The following POU6F2 variants were observed in gnomAD, a reference collection of about 807,000 sequenced individuals.
POU6F2 encodes POU class 6 homeobox 2.
In POU6F2, 31 loss-of-function variants were observed where a neutral mutation model predicts 71.3. The ratio of observed to expected loss-of-function variants is 0.43; its 90% CI spans 0.33 to 0.59. The LOEUF is 0.59. POU6F2 is among the 20% of genes least tolerant of loss of function. The pLI is 0.04. For missense variants in POU6F2, 783 were observed against 856.8 expected (o/e 0.91, Z 1.07); for synonymous variants, 347 against 355.7 (o/e 0.98, Z 0.27).
At chr7:39,331,958 T>C (rs17171573) in intron 4 of POU6F2, among the ~76,000 whole-genome samples, 12,873 of 152,274 alleles carry the variant, frequency 0.085, 800 homozygotes, top group South Asian at 0.18. Flanking sequence ...AAATTTCTTA[T>C]TGCCCTTCCT....
At chr7:39,033,686 G>A (rs1193395906) in intron 1 of POU6F2, among the ~76,000 whole-genome samples, 1 of 152,186 alleles carries the variant, frequency 6.6e-6, no homozygotes, top group Non-Finnish European at 1.5e-5. Context: ...TCAGGGGACT[G>A]CCCGGGAAGT....
Position 39,372,267 on chromosome 7 carries a change from A to T in POU6F2, c.972+32252A>T, listed in dbSNP as rs568750668. 3.9e-5 allele frequency among the ~76,000 whole-genome samples: 6 copies of T among 152,322 alleles called. No individual in the cohort carries two copies. In the South Asian group the frequency reaches 6.2e-4, roughly 16 times the overall value. On this transcript the variant is annotated intron_variant, in intron 5 of 9. Transcript: ENST00000518318. ...ATATAAAGAGAGAAAACAAATTTCC[A>T]CAAAATTTTTATTGATGAAACTCAT...
intron 4 of POU6F2, among the ~76,000 whole-genome samples, chr7:39,259,165 C>T (rs1402557637): frequency 7.0e-6 from 1 of 143,672 alleles, no homozygotes; most frequent in Non-Finnish European, 1.5e-5. Context: ...ATATTAAGAG[C>T]CCAGTTCTGC....
At chr7:39,133,851 A>G (rs905597384) in intron 2 of POU6F2, among the ~76,000 whole-genome samples, 4 of 152,138 alleles carry the variant, frequency 2.6e-5, no homozygotes, top group African/African-American at 4.8e-5. Flanking sequence ...AACTCAATAA[A>G]TACCTTAGAA....
At chr7:39,289,036 CTAACTA>C (rs1443759228) in intron 4 of POU6F2, among the ~76,000 whole-genome samples, 1 of 152,238 alleles carries the variant, frequency 6.6e-6, no homozygotes, top group Non-Finnish European at 1.5e-5. Context: ...CTGGAGCTAC[CTAACTA>C]TAATTCCTTC....
At chr7:39,409,277 A>T (rs1274517117) in intron 6 of POU6F2, among the ~76,000 whole-genome samples, 4 of 152,212 alleles carry the variant, frequency 2.6e-5, no homozygotes, top group Non-Finnish European at 5.9e-5. Flanking sequence ...ATCACGTTAA[A>T]ACCTAAACCT....
At chr7:39,403,646 G>T (rs1295215926) in intron 5 of POU6F2, among the ~76,000 whole-genome samples, 1 of 152,166 alleles carries the variant, frequency 6.6e-6, no homozygotes, top group African/African-American at 2.4e-5. Context: ...AAGAAATATC[G>T]ATAGGAGCAG....
At position 39,451,714 on chromosome 7, in the gene POU6F2, T is replaced by C; in HGVS notation, c.1489+13T>C. The C allele has an allele frequency of 1.3e-6, 2 of 1,566,026 alleles. No individual in the cohort carries two copies. The highest frequency in any genetic ancestry group is 1.7e-6 in the Non-Finnish European group (2 of 1,154,212). Reference sequence around the variant, plus strand: ...CAGTTAGTCAGCAGTAAGTATCCTTTCTGGCTCGGTTTAAATCGTGGTGGC... The same window carrying C: ...CAGTTAGTCAGCAGTAAGTATCCTTCCTGGCTCGGTTTAAATCGTGGTGGC... On this transcript the variant is annotated intron_variant, in intron 8 of 9. Transcript: ENST00000518318.
intron 2 of POU6F2, among the ~76,000 whole-genome samples, chr7:39,103,756 GC>G (rs142072719): frequency 0.011 from 1,615 of 152,138 alleles, 34 homozygotes; most frequent in African/African-American, 0.037. Flanking sequence ...CCCTGTACTG[GC>G]AAACCCCTGT....
intron 2 of POU6F2, among the ~76,000 whole-genome samples, chr7:39,191,135 T>C (rs115278097): frequency 8.6e-4 from 131 of 152,326 alleles, no homozygotes; most frequent in African/African-American, 3.0e-3. Context: ...CATTCTAAGA[T>C]ATACGGCCTT....
At chr7:39,391,832 A>G (rs905870835) in intron 5 of POU6F2, among the ~76,000 whole-genome samples, 5 of 152,168 alleles carry the variant, frequency 3.3e-5, no homozygotes, top group African/African-American at 1.2e-4. Flanking sequence ...ACTAGTTGTT[A>G]TTTAAAATCT....
At chr7:39,297,190 T>TCACATAC (rs1554339589) in intron 4 of POU6F2, among the ~76,000 whole-genome samples, 7,585 of 117,630 alleles carry the variant, frequency 0.064, 236 homozygotes, top group Non-Finnish European at 0.099. Context: ...CAAACACACA[T>TCACATAC]ACACATACAC....
At chr7:39,066,457 G>T (rs1790754827) in intron 1 of POU6F2, among the ~76,000 whole-genome samples, 1 of 151,730 alleles carries the variant, frequency 6.6e-6, no homozygotes, top group Non-Finnish European at 1.5e-5. Flanking sequence ...TATGTGTACA[G>T]TCCTAAGAGA....
intron 5 of POU6F2, among the ~76,000 whole-genome samples, chr7:39,363,060 A>G (rs1583551494): frequency 6.6e-6 from 1 of 152,232 alleles, no homozygotes; most frequent in Non-Finnish European, 1.5e-5. Flanking sequence ...CGTAGATGCT[A>G]TAAAGAGGTC....
At chr7:39,324,912 G>T (rs3923702) in intron 4 of POU6F2, among the ~76,000 whole-genome samples, 21,182 of 152,078 alleles carry the variant, frequency 0.14, 1,564 homozygotes, top group Admixed American at 0.19. Context: ...ACATATGAAA[G>T]CCTTTAAAAT....
intron 2 of POU6F2, among the ~76,000 whole-genome samples, chr7:39,187,854 C>T (rs985117460): frequency 2.6e-5 from 4 of 152,166 alleles, no homozygotes; most frequent in African/African-American, 9.7e-5. Context: ...CCCCCTTGTC[C>T]TCTGGTCTTC....
At chr7:39,083,446 G>C (rs1428858378) in intron 1 of POU6F2, 1 of 152,066 alleles carries the variant, frequency 6.6e-6, no homozygotes, top group Non-Finnish European at 1.5e-5. Context: ...ATCACATGAC[G>C]AGTATACTTA....
intron 1 of POU6F2, among the ~76,000 whole-genome samples, chr7:39,072,046 C>G (rs1304240531): frequency 6.6e-6 from 1 of 152,164 alleles, no homozygotes; most frequent in African/African-American, 2.4e-5. Flanking sequence ...GGCATCAGGA[C>G]AGGAACCAGC....
intron 5 of POU6F2, among the ~76,000 whole-genome samples, chr7:39,405,510 G>A (rs1024744802): frequency 5.9e-5 from 9 of 152,154 alleles, no homozygotes; most frequent in Non-Finnish European, 4.4e-5. Context: ...TGTGGGAACT[G>A]GTGATGGAAA....
Sources: allele counts gnomAD v4.1 joint callset (sites outside exome capture counted in the v4.1 genomes callset), GRCh38; gene constraint gnomAD v4.1.1; transcripts MANE v1.5; gene names NCBI Gene and HGNC (gene_info 2026-07-23, HGNC 2026-07-21).